Variants in MYO7B observed in about 807,000 individuals in gnomAD.
The protein encoded by MYO7B is unconventional myosin-VIIb.
A neutral mutation model predicts 259.7 loss-of-function variants in MYO7B; 212 were observed. The ratio of observed to expected loss-of-function variants is 0.82; its 90% confidence interval spans 0.73 to 0.91. The LOEUF is 0.91. MYO7B is among the 40% of genes least tolerant of loss of function. The probability of loss-of-function intolerance (pLI) is 0.00; values close to 1 mark genes in which losing one functional copy is unlikely to be tolerated. For synonymous variants in MYO7B, 1,197 were observed against 1,166.4 expected (o/e 1.03, Z -0.54); for missense variants, 2,732 against 2,813.5 (o/e 0.97, Z 0.66).
At position 127,625,514 on chromosome 2, in the gene MYO7B, C is replaced by T. The variant is rs536153919; in HGVS notation, c.4194C>T (p.Leu1398=). 84 of 1,605,082 alleles carry T rather than the reference C, an allele frequency of 5.2e-5. No individual in the cohort carries two copies. The highest frequency in any genetic ancestry group is 5.1e-4 in the Admixed American group (30 of 58,700). ...RTKPPDRWAS[L]VTAACAKAPY... ...AGCCCCCAGACAGGTGGGCGAGCCT[C>T]GTCACTGCCGCCTGCGCCAAGGTCA... Residue 1398 remains leucine, a synonymous_variant, in exon 31 of 48, where the codon CTC becomes CTT. Transcript: ENST00000409816.
chr2:127,611,310 A>C lies in MYO7B; in HGVS notation c.3193-940A>C. ...TGGGAGGGGCCCACACAGGGCAGGA[A>C]TTTCAGGACGCAGGGATCACGGGGG... On this transcript the variant is annotated intron_variant, in intron 24 of 47. Transcript: ENST00000409816. This position sits in a 1 kb window ranked among gnomAD's most constrained non-coding sequence, Gnocchi z 5.4. 6.6e-6 allele frequency among the ~76,000 whole-genome samples: 1 copy of C among 152,198 alleles called. No individual in the cohort carries two copies. The highest frequency in any genetic ancestry group is 1.9e-4 in the East Asian group (1 of 5,192).
chr2:127,593,039 G>A (rs925004900), intron 17 of MYO7B, 93 bp downstream of exon 17: 10 of 1,458,222 alleles, frequency 6.9e-6, no homozygotes, highest in Admixed American at 2.0e-5. Flanking sequence ...GGGGTCTCCC[G>A]CTGCCCTCCC....
rs1680544712 is a variant in MYO7B, at chr2:127,615,737, T to C, written c.3398+3134T>C. Among the ~76,000 whole-genome samples, 1 of 151,952 alleles carries C rather than the reference T, an allele frequency of 6.6e-6. No individual in the cohort carries two copies. Among genetic ancestry groups the C allele is most frequent in the Admixed American group, 6.6e-5 (1 of 15,226 alleles). On this transcript the variant is annotated intron_variant, in intron 26 of 47. Coordinates refer to ENST00000409816, the MANE Select transcript of MYO7B (RefSeq NM_001393586.1). The surrounding 1 kb of genome is among the most constrained non-coding windows in gnomAD (Gnocchi z 4.4). ...GCTCATATAGCCTCCAGTGGTATACTAGATCACGACTCTCACTCTTTCGGC... is the reference window on the plus strand; with the variant it reads ...GCTCATATAGCCTCCAGTGGTATACCAGATCACGACTCTCACTCTTTCGGC...
chr2:127,561,921 T>C (rs1678101113), intron 2 of MYO7B, among the ~76,000 whole-genome samples: 1 of 152,190 alleles, frequency 6.6e-6, no homozygotes, highest in African/African-American at 2.4e-5. Context: ...GAAGCCTCTC[T>C]TCCTGGCTGG....
intron 39 of MYO7B, among the ~76,000 whole-genome samples, chr2:127,632,882 G>A (rs768674333): frequency 6.6e-6 from 1 of 152,218 alleles, no homozygotes; most frequent in Non-Finnish European, 1.5e-5. Context: ...TAATTTCAGT[G>A]GCAGCCGTGG....
Position 127,559,690 on chromosome 2 carries a change from C to T in MYO7B, c.-23-10C>T, listed in dbSNP as rs1677989426. The T allele has an allele frequency of 1.9e-6, 3 of 1,613,802 alleles. No homozygotes were observed. In the South Asian group the frequency reaches 3.3e-5, roughly 18 times the overall value. Reference sequence around the variant, plus strand: ...ATGGAGCTGACGTTCTGCTTTCTCTCTCCATACAGGCTTGTGGAACTGCTG... The same window carrying T: ...ATGGAGCTGACGTTCTGCTTTCTCTTTCCATACAGGCTTGTGGAACTGCTG... On this transcript the variant is annotated splice_polypyrimidine_tract_variant and intron_variant, in intron 1 of 47. Coordinates refer to ENST00000409816, the MANE Select transcript of MYO7B (RefSeq NM_001393586.1). This position sits in a 1 kb window ranked among gnomAD's most constrained non-coding sequence, Gnocchi z 4.1.
At chr2:127,620,534 C>T in intron 27 of MYO7B, 68 bp downstream of exon 27, 1 of 1,405,234 alleles carries the variant, frequency 7.1e-7, no homozygotes, top group Non-Finnish European at 9.4e-7. Context: ...TGGCCCCTGG[C>T]CCTGGAGCAG....
chr2:127,584,923 G>A lies in MYO7B; in HGVS notation c.1690+10G>A. ...TACTACCAAGCAGAAGGTGGGTGCA[G>A]CTCTCCTCTCATGTCCCTTCCAAAT... On this transcript the variant is annotated intron_variant, in intron 14 of 47. Transcript: ENST00000409816. This position sits in a 1 kb window ranked among gnomAD's most constrained non-coding sequence, Gnocchi z 5.8. 2 of 1,613,790 alleles carry A rather than the reference G, an allele frequency of 1.2e-6. No homozygotes were observed. The highest frequency in any genetic ancestry group is 8.5e-7 in the Non-Finnish European group (1 of 1,179,776).
Position 127,637,333 on chromosome 2 carries a change from C to T in MYO7B, c.6345C>T (p.Asp2115=). 2 of 1,589,320 alleles carry T rather than the reference C, an allele frequency of 1.3e-6. No homozygotes were observed. The highest frequency in any genetic ancestry group is 1.7e-6 in the Non-Finnish European group (2 of 1,167,742). ...CETSLGYKMD[D]LLTSYVQQLL... ...CTGTCCAGGGCTATAAGATGGATGA[C>T]CTGCTGACCTCATATGTGCAGCAGC... Residue 2115 remains aspartate (D), a synonymous_variant, in exon 48 of 48, where the codon GAC becomes GAT. Transcript: ENST00000409816.
At chr2:127,635,465 C>T in intron 43 of MYO7B, 1 of 624,756 alleles carries the variant, frequency 1.6e-6, no homozygotes, top group Non-Finnish European at 2.8e-6. Context: ...GACAGAGGGT[C>T]CTGTGACCCA....
chr2:127,586,837 G>A lies in MYO7B; in HGVS notation c.1691-1555G>A, dbSNP rs2104951301. Among the ~76,000 whole-genome samples the A allele has an allele frequency of 6.6e-6, 1 of 152,190 alleles. No homozygotes were observed. Among genetic ancestry groups the A allele is most frequent in the African/African-American group, 2.4e-5 (1 of 41,534 alleles). ...CTGTTGGGAGACTGAACCCAGGAGT[G>A]TCTCAACCCTCCCCACCCTTAAAAC... On this transcript the variant is annotated intron_variant, in intron 14 of 47. Transcript: ENST00000409816. This position sits in a 1 kb window ranked among gnomAD's most constrained non-coding sequence, Gnocchi z 4.8.
In MYO7B at chr2:127,637,297, C is replaced by T; in HGVS notation, c.6328-19C>T. 1 of 1,486,880 alleles carries T rather than the reference C, an allele frequency of 6.7e-7. No homozygotes were observed. Among genetic ancestry groups the T allele is most frequent in the Non-Finnish European group, 8.9e-7 (1 of 1,124,086 alleles). The allele number at this position is 1,486,880 out of a possible 1,614,324, so 92.1% of individuals were successfully genotyped here. The stretch of plus-strand genomic sequence containing the variant: ...GCCCTCTGCACCCACAGCCTCTGAC[C>T]CCCCCGTCCCCTGTCCAGGGCTATA... On this transcript the variant is annotated intron_variant, in intron 47 of 47. Coordinates refer to ENST00000409816, the MANE Select transcript of MYO7B (RefSeq NM_001393586.1).
chr2:127,637,282 C>G (rs1217819406), intron 47 of MYO7B, 34 bp from the exon 48 acceptor site: 1 of 1,488,908 alleles, frequency 6.7e-7, no homozygotes, highest in Non-Finnish European at 9.0e-7. Flanking sequence ...GCCCTCTGCA[C>G]CCACAGCCTC....
rs34544960 is a variant in MYO7B at position 127,617,855 on chromosome 2, G to GTTTT, written c.3399-2474_3399-2471dup. Among the ~76,000 whole-genome samples, 374 of 139,908 alleles carry GTTTT rather than the reference G, an allele frequency of 2.7e-3. 9 individuals are homozygous for GTTTT. The highest frequency in any genetic ancestry group is 4.8e-3 in the African/African-American group (179 of 37,142). The allele number at this position is 139,908 out of a possible 152,430, so 91.8% of individuals were successfully genotyped here. Reference sequence around the variant, plus strand: ...TGGTTTTAGTTTTTTCTGGGCTTTAGTTTTTTTTTTTTTTGCTCCAGCAGA... The same window carrying GTTTT: ...TGGTTTTAGTTTTTTCTGGGCTTTAGTTTTTTTTTTTTTTTTTTGCTCCAGCAGA... On this transcript the variant is annotated intron_variant, in intron 26 of 47. Coordinates refer to ENST00000409816, the MANE Select transcript of MYO7B (RefSeq NM_001393586.1).
rs1209380719 is a variant in MYO7B at position 127,585,214 on chromosome 2, C to T, written c.1690+301C>T. On this transcript the variant is annotated intron_variant, in intron 14 of 47. Transcript: ENST00000409816. This position sits in a 1 kb window ranked among gnomAD's most constrained non-coding sequence, Gnocchi z 4.3. Reference sequence around the variant, plus strand: ...GATTGCCACAATTTTAGAACTTTTTCGCCACCCCTAAAAGAAACCCCTCAT... The same window carrying T: ...GATTGCCACAATTTTAGAACTTTTTTGCCACCCCTAAAAGAAACCCCTCAT... Among the ~76,000 whole-genome samples, 12 of 152,214 alleles carry T rather than the reference C, an allele frequency of 7.9e-5. No homozygotes were observed. Among genetic ancestry groups the T allele is most frequent in the Admixed American group, 2.6e-4 (4 of 15,300 alleles).
At position 127,615,199 on chromosome 2, in the gene MYO7B, T is replaced by A. The variant is rs1229786726; in HGVS notation, c.3398+2596T>A. On this transcript the variant is annotated intron_variant, in intron 26 of 47. Transcript: ENST00000409816. This position sits in a 1 kb window ranked among gnomAD's most constrained non-coding sequence, Gnocchi z 4.4. ...GTGCACCAAGGAGGAGTGGCCTTAG[T>A]GCCTACCTGGGCCAAGGAAGGAGGA... is the stretch of plus-strand genomic sequence containing the variant. Among the ~76,000 whole-genome samples the A allele has an allele frequency of 6.6e-6, 1 of 152,068 alleles. No individual in the cohort carries two copies. Among genetic ancestry groups the A allele is most frequent in the African/African-American group, 2.4e-5 (1 of 41,406 alleles).
chr2:127,610,853 C>G (rs867795449), intron 24 of MYO7B, among the ~76,000 whole-genome samples: 61 of 152,240 alleles, frequency 4.0e-4, no homozygotes, highest in African/African-American at 1.5e-3. Context: ...TGCCCAGGCC[C>G]AAGCCCTGAC....
chr2:127,631,841 G>A lies in MYO7B; in HGVS notation c.5249+88G>A, dbSNP rs1369261359. 8.7e-6 allele frequency: 13 copies of A among 1,493,832 alleles called. No homozygotes were observed. In the East Asian group the frequency reaches 1.2e-4, roughly 13 times the overall value. The allele number at this position is 1,493,832 out of a possible 1,614,324, so 92.5% of individuals were successfully genotyped here. On this transcript the variant is annotated intron_variant, in intron 38 of 47. Coordinates refer to ENST00000409816, the MANE Select transcript of MYO7B (RefSeq NM_001393586.1). ...CAGACCGAGGCTCAGAGAGGACACC[G>A]CAGCTGGTGGCGGCAGAACCCCTGC...
chr2:127,593,505 C>T lies in MYO7B; in HGVS notation c.2146-41C>T, dbSNP rs751455332. On this transcript the variant is annotated intron_variant, in intron 17 of 47. Transcript: ENST00000409816. Reference sequence around the variant, plus strand: ...CCCCCAGAGAGCCGCCGAGGGGTCTCTGCCCCACCTCCCACCGATACCCCC... The same window carrying T: ...CCCCCAGAGAGCCGCCGAGGGGTCTTTGCCCCACCTCCCACCGATACCCCC... The T allele has an allele frequency of 5.0e-6, 8 of 1,591,640 alleles. No individual in the cohort carries two copies. The East Asian group carries it at 1.8e-4, about 36-fold the overall frequency.
Sources: gnomAD v4.1 joint callset for allele counts (sites outside exome capture counted in the v4.1 genomes callset) on GRCh38, gnomAD v4.1.1 for gene constraint, Gnocchi (gnomAD v3.1) non-coding constraint, MANE v1.5 for transcripts, NCBI Gene and HGNC (gene_info 2026-07-23, HGNC 2026-07-21) for gene names.